The following CACNA1D variants were observed in gnomAD, a reference collection of about 807,000 sequenced individuals.
The protein encoded by CACNA1D is voltage-dependent L-type calcium channel subunit alpha-1D.
In CACNA1D, 55 loss-of-function variants were observed where a neutral mutation model predicts 257.1. The ratio of observed to expected loss-of-function variants is 0.21; its 90% CI spans 0.17 to 0.27. The LOEUF is 0.27. CACNA1D is among the 10% of genes least tolerant of loss of function. The pLI is 1.00. For synonymous variants in CACNA1D, 980 were observed against 1,014.9 expected (o/e 0.97, Z 0.65); for missense variants, 1,876 against 2,784.0 (o/e 0.67, Z 7.34).
chr3:53,496,421 G>A (rs1431586045), intron 1 of CACNA1D, among the ~76,000 whole-genome samples: 1 of 152,170 alleles, frequency 6.6e-6, no homozygotes, highest in Non-Finnish European at 1.5e-5. Context: ...TGACTGCCTT[G>A]TCTGTCTCTC....
chr3:53,799,261 T>C (rs2095523706), intron 40 of CACNA1D, among the ~76,000 whole-genome samples: 1 of 152,238 alleles, frequency 6.6e-6, no homozygotes, highest in Admixed American at 6.5e-5. Context: ...CTCAGCATAC[T>C]GTTTTCCTTC....
At chr3:53,733,944 G>GTGTT (rs1349354246) in intron 19 of CACNA1D, among the ~76,000 whole-genome samples, 13 of 136,636 alleles carry the variant, frequency 9.5e-5, no homozygotes, top group African/African-American at 3.4e-4. Context: ...GTGTGTGTGT[G>GTGTT]TGTGTGTGTA....
chr3:53,521,464 T>C (rs954981197), intron 3 of CACNA1D, among the ~76,000 whole-genome samples: 8 of 152,190 alleles, frequency 5.3e-5, no homozygotes, highest in Admixed American at 6.5e-5. Flanking sequence ...CCAACTCCCT[T>C]GTCGGAGTAA....
At chr3:53,756,641 C>A (rs2095267164) in intron 29 of CACNA1D, among the ~76,000 whole-genome samples, 2 of 152,160 alleles carry the variant, frequency 1.3e-5, no homozygotes, top group South Asian at 4.1e-4. Context: ...AAAAGCAGGC[C>A]CTAGTTTAGG....
chr3:53,660,033 C>G, intron 4 of CACNA1D, 100 bp from the exon 5 acceptor site: 1 of 1,070,218 alleles, frequency 9.3e-7, no homozygotes, highest in Non-Finnish European at 1.4e-6. Flanking sequence ...GCAGCAGCCA[C>G]ACAGAATTAG....
At chr3:53,593,802 A>G (rs891081420) in intron 3 of CACNA1D, among the ~76,000 whole-genome samples, 1 of 152,122 alleles carries the variant, frequency 6.6e-6, no homozygotes, top group African/African-American at 2.4e-5. Context: ...GGCAGAAGGA[A>G]GTGCTTTATC....
intron 3 of CACNA1D, among the ~76,000 whole-genome samples, chr3:53,525,032 C>T (rs1026264595): frequency 6.6e-6 from 1 of 152,188 alleles, no homozygotes; most frequent in African/African-American, 2.4e-5. Flanking sequence ...CCTCCTCCCT[C>T]ACTCTCTCCT....
chr3:53,738,031 G>C (rs1441870360), intron 20 of CACNA1D, among the ~76,000 whole-genome samples: 1 of 152,228 alleles, frequency 6.6e-6, no homozygotes, highest in Non-Finnish European at 1.5e-5. Flanking sequence ...GCAGCAGCCT[G>C]TTGACTCTCA....
chr3:53,588,292 A>G (rs1252470614), intron 3 of CACNA1D, among the ~76,000 whole-genome samples: 2 of 152,000 alleles, frequency 1.3e-5, no homozygotes, highest in Non-Finnish European at 2.9e-5. Context: ...TCACTGACTC[A>G]CTCACCAGTG....
At chr3:53,596,302 G>A (rs143640353) in intron 3 of CACNA1D, among the ~76,000 whole-genome samples, 17 of 152,180 alleles carry the variant, frequency 1.1e-4, no homozygotes, top group African/African-American at 3.1e-4. Flanking sequence ...GCATGTGTGT[G>A]CATGTGCATG....
intron 44 of CACNA1D, among the ~76,000 whole-genome samples, chr3:53,804,756 T>G (rs1226896758): frequency 6.6e-6 from 1 of 152,214 alleles, no homozygotes; most frequent in Non-Finnish European, 1.5e-5. Flanking sequence ...GCCCTGGAGC[T>G]GAGGGATCAA....
At chr3:53,810,390 G>A in intron 47 of CACNA1D, 92 bp downstream of exon 47, 1 of 1,273,162 alleles carries the variant, frequency 7.9e-7, no homozygotes, top group Non-Finnish European at 1.1e-6. Flanking sequence ...TGGGAGGGCG[G>A]CCAGGCTGTG....
intron 1 of CACNA1D, 24 bp from the exon 2 acceptor site, chr3:53,497,128 C>A (rs751925700): frequency 4.4e-6 from 7 of 1,603,076 alleles, no homozygotes; most frequent in South Asian, 1.1e-5. Flanking sequence ...AAAAAAAAAT[C>A]TTTGTTTTTC....
At chr3:53,628,133 T>G (rs2093781287) in intron 3 of CACNA1D, among the ~76,000 whole-genome samples, 1 of 152,224 alleles carries the variant, frequency 6.6e-6, no homozygotes, top group African/African-American at 2.4e-5. Flanking sequence ...CCAACTCTCC[T>G]TTATGTACAG....
At chr3:53,718,523 C>T in intron 10 of CACNA1D, 135 bp downstream of exon 10, 1 of 1,036,192 alleles carries the variant, frequency 9.7e-7, no homozygotes, top group Non-Finnish European at 1.5e-6. Context: ...CTCCTCGTAC[C>T]CCACGCCACG....
intron 3 of CACNA1D, among the ~76,000 whole-genome samples, chr3:53,584,503 T>C (rs1253559891): frequency 6.6e-6 from 1 of 152,220 alleles, no homozygotes; most frequent in Non-Finnish European, 1.5e-5. Context: ...ATAGCCTCTC[T>C]GTTCATCTGT....
At chr3:53,754,401 T>C (rs1045962679) in intron 29 of CACNA1D, among the ~76,000 whole-genome samples, 1 of 152,238 alleles carries the variant, frequency 6.6e-6, no homozygotes, top group African/African-American at 2.4e-5. Context: ...ATCTCTACTC[T>C]GGCACTTACA....
chr3:53,703,433 G>T (rs1470905118), intron 9 of CACNA1D, among the ~76,000 whole-genome samples: 1 of 152,178 alleles, frequency 6.6e-6, no homozygotes, highest in South Asian at 2.1e-4. Flanking sequence ...AGGAGGCAAG[G>T]CCTGAGAACT....
chr3:53,697,106 C>A (rs1193370185), intron 8 of CACNA1D, among the ~76,000 whole-genome samples: 3 of 152,112 alleles, frequency 2.0e-5, no homozygotes, highest in African/African-American at 7.2e-5. Flanking sequence ...TGCTTCTCAA[C>A]CAGGAGATAA....
Sources: allele counts gnomAD v4.1 joint callset (sites outside exome capture counted in the v4.1 genomes callset), GRCh38; gene constraint gnomAD v4.1.1; transcripts MANE v1.5; gene names NCBI Gene and HGNC (gene_info 2026-07-23, HGNC 2026-07-21).